The following ABI2 variants were observed in gnomAD, a reference collection of about 807,000 sequenced individuals.
The protein encoded by ABI2 is abelson interactor 2.
Under a neutral mutation model 59.2 loss-of-function variants are expected in ABI2, and 25 were observed. The observed-to-expected ratio is 0.42, with a 90% confidence interval of 0.31 to 0.59. The LOEUF (loss-of-function observed/expected upper bound fraction) is 0.59, where lower values mean the gene tolerates loss of function less well. ABI2 is among the 20% of genes least tolerant of loss of function. The pLI, the probability that ABI2 is intolerant of heterozygous loss-of-function variation, is 0.14. For synonymous variants in ABI2, 213 were observed against 235.5 expected (o/e 0.90, Z 0.87); for missense variants, 545 against 681.8 (o/e 0.80, Z 2.23).
intron 2 of ABI2, among the ~76,000 whole-genome samples, chr2:203,373,621 A>G (rs985264267): frequency 2.6e-5 from 4 of 152,214 alleles, no homozygotes; most frequent in African/African-American, 7.2e-5. Flanking sequence ...ATGGCTTAGA[A>G]AAAAAGATTA....
intron 1 of ABI2, among the ~76,000 whole-genome samples, chr2:203,346,331 A>G (rs2083515913): frequency 6.6e-6 from 1 of 152,180 alleles, no homozygotes; most frequent in African/African-American, 2.4e-5. Flanking sequence ...AACAACCACA[A>G]AAGACTATGT....
intron 2 of ABI2, among the ~76,000 whole-genome samples, chr2:203,375,669 C>T (rs771919386): frequency 6.6e-6 from 1 of 152,042 alleles, no homozygotes; most frequent in Non-Finnish European, 1.5e-5. Flanking sequence ...CAATTGTCTA[C>T]GAATTTATGA....
At chr2:203,404,123 C>A (rs1022735375) in intron 9 of ABI2, among the ~76,000 whole-genome samples, 1 of 152,132 alleles carries the variant, frequency 6.6e-6, no homozygotes, top group African/African-American at 2.4e-5. Context: ...CCCAAGTCTT[C>A]TCTTTTTTGG....
At chr2:203,391,023 G>A (rs962127937) in intron 4 of ABI2, 23 bp from the exon 5 acceptor site, 1 of 1,598,948 alleles carries the variant, frequency 6.3e-7, no homozygotes, top group African/African-American at 1.3e-5. Context: ...CATACAAGTT[G>A]AGTTTTCCTT....
chr2:203,336,920 TC>T (rs1201086822), intron 1 of ABI2, among the ~76,000 whole-genome samples: 6 of 152,180 alleles, frequency 3.9e-5, no homozygotes, highest in Non-Finnish European at 7.4e-5. Flanking sequence ...CCAGCAAAGA[TC>T]CAGTTGTTCT....
chr2:203,374,905 A>G (rs1460705967), intron 2 of ABI2: 2 of 449,310 alleles, frequency 4.5e-6, no homozygotes, highest in East Asian at 1.4e-4. Flanking sequence ...ATGGGAAATG[A>G]CAATGCATGG....
At chr2:203,372,901 G>A (rs553065103) in intron 2 of ABI2, among the ~76,000 whole-genome samples, 1 of 152,140 alleles carries the variant, frequency 6.6e-6, no homozygotes, top group African/African-American at 2.4e-5. Context: ...CATCTCAGGC[G>A]ATGGGCGGCT....
intron 10 of ABI2, among the ~76,000 whole-genome samples, chr2:203,412,332 T>A (rs2097711669): frequency 6.6e-6 from 1 of 152,150 alleles, no homozygotes; most frequent in Non-Finnish European, 1.5e-5. Flanking sequence ...GCAGGCACTT[T>A]TGGTCCCTGC....
intron 10 of ABI2, among the ~76,000 whole-genome samples, chr2:203,414,488 C>A (rs1034208612): frequency 3.5e-4 from 53 of 152,282 alleles, no homozygotes; most frequent in African/African-American, 1.2e-3. Flanking sequence ...TCTTACTCTT[C>A]CTTCAGGTTT....
intron 4 of ABI2, among the ~76,000 whole-genome samples, chr2:203,388,061 CT>C (rs1277754311): frequency 6.6e-6 from 1 of 151,754 alleles, no homozygotes; most frequent in African/African-American, 2.4e-5. Context: ...TAGATTTTAC[CT>C]ATTATAAAAA....
At chr2:203,371,417 A>G (rs1477074818) in intron 2 of ABI2, among the ~76,000 whole-genome samples, 1 of 152,234 alleles carries the variant, frequency 6.6e-6, no homozygotes, top group Non-Finnish European at 1.5e-5. Context: ...AGGAATATAT[A>G]GTATCAGACA....
chr2:203,383,924 A>G (rs2096290745), intron 4 of ABI2, among the ~76,000 whole-genome samples: 1 of 151,948 alleles, frequency 6.6e-6, no homozygotes, highest in Non-Finnish European at 1.5e-5. Flanking sequence ...TTGCTGTCAT[A>G]CTTTTTATAC....
At chr2:203,367,224 T>C in intron 2 of ABI2, 180 bp downstream of exon 2, 1 of 791,476 alleles carries the variant, frequency 1.3e-6, no homozygotes, top group Non-Finnish European at 1.7e-6. Context: ...ATCTTCTCTG[T>C]GATTTTGATA....
chr2:203,416,187 T>C (rs1360588261), intron 10 of ABI2, among the ~76,000 whole-genome samples: 2 of 152,238 alleles, frequency 1.3e-5, no homozygotes, highest in Admixed American at 1.3e-4. Flanking sequence ...TTGTGAAATA[T>C]GGTTTTCAGT....
intron 2 of ABI2, among the ~76,000 whole-genome samples, chr2:203,378,280 T>G (rs1312797588): frequency 1.3e-5 from 2 of 151,872 alleles, no homozygotes; most frequent in African/African-American, 4.8e-5. Context: ...GCCCGGCTAA[T>G]TTTTGTATTT....
intron 1 of ABI2, among the ~76,000 whole-genome samples, chr2:203,344,035 A>C (rs1210062555): frequency 6.6e-6 from 1 of 152,174 alleles, no homozygotes; most frequent in African/African-American, 2.4e-5. Context: ...TGGGAGGCTG[A>C]GGTGGGAGGA....
chr2:203,356,378 ATTTAT>A (rs1255670575), intron 1 of ABI2, among the ~76,000 whole-genome samples: 1 of 151,532 alleles, frequency 6.6e-6, no homozygotes, highest in Non-Finnish European at 1.5e-5. Context: ...ATTTTATTTT[ATTTAT>A]TTTGAGACAG....
intron 1 of ABI2, among the ~76,000 whole-genome samples, chr2:203,348,486 AT>A (rs2085194017): frequency 6.6e-6 from 1 of 152,204 alleles, no homozygotes. Flanking sequence ...TCTTTTTCAT[AT>A]GGTCAGTTAT....
intron 4 of ABI2, among the ~76,000 whole-genome samples, chr2:203,382,823 A>G (rs1001872630): frequency 2.0e-5 from 3 of 152,148 alleles, no homozygotes; most frequent in African/African-American, 7.2e-5. Context: ...TATAAAGAAT[A>G]TATTTCAATA....
Sources: allele counts gnomAD v4.1 joint callset (sites outside exome capture counted in the v4.1 genomes callset), GRCh38; gene constraint gnomAD v4.1.1; transcripts MANE v1.5; gene names NCBI Gene and HGNC (gene_info 2026-07-23, HGNC 2026-07-21).